CLIC2: variants seen among roughly 807,000 people sequenced by gnomAD.
CLIC2 encodes the protein CLIC family member 2.
CLIC2 carries 9 observed loss-of-function variants against 14.8 expected under a neutral mutation model. That is an observed-to-expected ratio of 0.61 (90% CI 0.37 to 1.06). The LOEUF (loss-of-function observed/expected upper bound fraction) is 1.06. CLIC2 is among the 50% of genes least tolerant of loss of function. The probability of loss-of-function intolerance (pLI) is 0.01; values close to 1 mark genes in which losing one functional copy is unlikely to be tolerated. For synonymous variants in CLIC2, 61 were observed against 66.3 expected, an observed-to-expected ratio of 0.92 and a Z score of 0.39; for missense variants, 148 against 181.4, an observed-to-expected ratio of 0.82 and a Z score of 1.06.
intron 1 of CLIC2, among the ~76,000 whole-genome samples, chrX:155,304,632 G>A (rs1267800164): frequency 3.9e-5 from 4 of 103,304 alleles, no homozygotes; most frequent in African/African-American, 1.4e-4. Flanking sequence ...GAGGAACTGC[G>A]TTCCTTTGGA....
chrX:155,292,022 A>AC, intron 3 of CLIC2: 1 of 527,388 alleles, frequency 1.9e-6, no homozygotes, highest in African/African-American at 2.2e-5. Context: ...AAATGACCGG[A>AC]CCCAGGCATC....
chrX:155,299,205 C>A, intron 1 of CLIC2, 60 bp from the exon 2 acceptor site: 1 of 927,590 alleles, frequency 1.1e-6, no homozygotes, highest in African/African-American at 1.9e-5. Context: ...GTATTTAGTT[C>A]CTAATAGGAA....
At chrX:155,297,718 G>A (rs2124174233) in intron 3 of CLIC2, among the ~76,000 whole-genome samples, 1 of 101,842 alleles carries the variant, frequency 9.8e-6, no homozygotes, top group Non-Finnish European at 2.0e-5. Context: ...GCCGGGCGTG[G>A]TGGCGGGCAT....
chrX:155,304,923 G>A (rs1300366113), intron 1 of CLIC2, among the ~76,000 whole-genome samples: 1 of 104,273 alleles, frequency 9.6e-6, no homozygotes, highest in African/African-American at 3.4e-5. Flanking sequence ...CACTTGAGGA[G>A]GCAGTCTGCC....
chrX:155,307,134 T>A (rs1557320101), intron 1 of CLIC2, among the ~76,000 whole-genome samples: 1 of 111,144 alleles, frequency 9.0e-6, no homozygotes, highest in African/African-American at 3.3e-5. Context: ...AATAAAAATA[T>A]TCCCCCAAAT....
chrX:155,319,859 T>C (rs2075107906), intron 1 of CLIC2, among the ~76,000 whole-genome samples: 2 of 111,905 alleles, frequency 1.8e-5, no homozygotes, highest in South Asian at 7.4e-4. Context: ...CCTGGGATGC[T>C]TCAGATTGGT....
At chrX:155,292,202 G>A in intron 3 of CLIC2, 1 of 568,022 alleles carries the variant, frequency 1.8e-6, no homozygotes, top group Non-Finnish European at 3.2e-6. Context: ...ATATTTGGGT[G>A]TGACCTCCTT....
intron 1 of CLIC2, among the ~76,000 whole-genome samples, chrX:155,317,612 C>G (rs1264381079): frequency 1.8e-5 from 2 of 111,759 alleles, no homozygotes; most frequent in Non-Finnish European, 3.8e-5. Context: ...GACAGATTTA[C>G]AGCTGCATTC....
intron 3 of CLIC2, chrX:155,291,289 T>C: frequency 1.1e-6 from 1 of 913,853 alleles, no homozygotes; most frequent in Non-Finnish European, 1.6e-6. Flanking sequence ...TTTCAATAGA[T>C]ATTTTCAGAG....
At chrX:155,330,589 T>C (rs1557322721) in intron 1 of CLIC2, among the ~76,000 whole-genome samples, 1 of 111,666 alleles carries the variant, frequency 9.0e-6, no homozygotes, top group Non-Finnish European at 1.9e-5. Context: ...AAGTGAAGTG[T>C]AAAATGGTAC....
At chrX:155,290,356 G>A in intron 3 of CLIC2, 1 of 418,060 alleles carries the variant, frequency 2.4e-6, no homozygotes, top group South Asian at 4.3e-5. Context: ...GTGATGACTT[G>A]AATCAGTAGT....
chrX:155,327,854 C>T (rs1373861721), intron 1 of CLIC2, among the ~76,000 whole-genome samples: 1 of 111,554 alleles, frequency 9.0e-6, no homozygotes, highest in Non-Finnish European at 1.9e-5. Context: ...AATGGTTCAA[C>T]ATACACACAT....
In CLIC2 at chrX:155,280,562, G is replaced by A. The variant is rs189067060; in HGVS notation, c.294-494C>T. ...ACAAACATTAGCTGGGCGTGGTGGCGGGCGCCTGTAGTTCCAGCTACTTGG... is the reference window on the plus strand; with the variant it reads ...ACAAACATTAGCTGGGCGTGGTGGCAGGCGCCTGTAGTTCCAGCTACTTGG... On this transcript the variant is annotated intron_variant, in intron 3 of 5. Transcript: ENST00000369449. Among the ~76,000 whole-genome samples, 866 of 110,477 alleles carry A rather than the reference G, an allele frequency of 7.8e-3. 7 individuals are homozygous for A. Among genetic ancestry groups the A allele is most frequent in the African/African-American group, 0.027 (809 of 30,338 alleles).
chrX:155,314,072 C>G (rs1234264526), intron 1 of CLIC2, among the ~76,000 whole-genome samples: 2 of 111,148 alleles, frequency 1.8e-5, no homozygotes, highest in African/African-American at 6.6e-5. Flanking sequence ...CATGCCTAAC[C>G]CTGCCCCCAC....
chrX:155,292,253 C>G (rs2074970100), intron 3 of CLIC2: 1 of 570,208 alleles, frequency 1.8e-6, no homozygotes, highest in Non-Finnish European at 3.2e-6. Context: ...AGATTTGTCT[C>G]ACAAGGAGAA....
chrX:155,280,927 A>G (rs1268717886), intron 3 of CLIC2, among the ~76,000 whole-genome samples: 1 of 107,146 alleles, frequency 9.3e-6, no homozygotes, highest in Non-Finnish European at 1.9e-5. Context: ...ATTATTCACA[A>G]AAGCTAACAT....
At chrX:155,299,939 G>T (rs1382281613) in intron 1 of CLIC2, among the ~76,000 whole-genome samples, 2 of 110,329 alleles carry the variant, frequency 1.8e-5, no homozygotes, top group Non-Finnish European at 3.8e-5. Flanking sequence ...GTATTCCATG[G>T]TGTATATATG....
chrX:155,278,076 CA>C lies in CLIC2; in HGVS notation c.583-13del, dbSNP rs782464475. ...TTCTTGGCAGCAACCTAGAATTTTG[CA>C]AAAAAAAGAGGAAAAAGAAGGCATC... On this transcript the variant is annotated splice_polypyrimidine_tract_variant and intron_variant, in intron 5 of 5. Coordinates refer to ENST00000369449, the MANE Select transcript of CLIC2 (RefSeq NM_001289.6). 7.5e-6 allele frequency: 9 copies of C among 1,195,600 alleles called. No individual in the cohort carries two copies. The highest frequency in any genetic ancestry group is 7.9e-6 in the Non-Finnish European group (7 of 886,133).
chrX:155,293,256 T>C, intron 3 of CLIC2: 2 of 966,548 alleles, frequency 2.1e-6, no homozygotes, highest in Non-Finnish European at 3.0e-6. Flanking sequence ...CAAGAAAAGA[T>C]GCTCCCAAAC....
Sources: gnomAD v4.1 joint callset for allele counts (sites outside exome capture counted in the v4.1 genomes callset) on GRCh38, gnomAD v4.1.1 for gene constraint, MANE v1.5 for transcripts, NCBI Gene and HGNC (gene_info 2026-07-23, HGNC 2026-07-21) for gene names.